Variants in RSU1 observed in about 807,000 individuals in gnomAD.
The protein encoded by RSU1 is rsu-1.
A neutral mutation model predicts 31.1 loss-of-function variants in RSU1; 26 were observed. The observed-to-expected ratio is 0.84, with a 90% CI of 0.61 to 1.16. The LOEUF (loss-of-function observed/expected upper bound fraction) is 1.16, where lower values mean the gene tolerates loss of function less well. RSU1 is among the 50% of genes most tolerant of loss of function. The pLI, the probability that RSU1 is intolerant of heterozygous loss-of-function variation, is 0.00. For synonymous variants in RSU1, 164 were observed against 136.3 expected (o/e 1.20, Z -1.41); for missense variants, 320 against 339.1 (o/e 0.94, Z 0.44).
intron 2 of RSU1, among the ~76,000 whole-genome samples, chr10:16,793,116 A>C (rs1048292979): frequency 6.6e-6 from 1 of 152,240 alleles, no homozygotes; most frequent in African/African-American, 2.4e-5. Context: ...CCAGAATCAT[A>C]AAAAGCTTTC....
At chr10:16,599,439 C>A (rs1446471167) in intron 8 of RSU1, among the ~76,000 whole-genome samples, 1 of 152,186 alleles carries the variant, frequency 6.6e-6, no homozygotes, top group African/African-American at 2.4e-5. Context: ...TGGTACCTGT[C>A]TGGCCCTACA....
intron 8 of RSU1, among the ~76,000 whole-genome samples, chr10:16,636,644 G>A (rs1207383174): frequency 3.9e-5 from 6 of 152,156 alleles, no homozygotes. Context: ...TGTGAACAAA[G>A]GCCAAACTCC....
At chr10:16,738,729 C>T (rs1241706856) in intron 7 of RSU1, among the ~76,000 whole-genome samples, 3 of 152,044 alleles carry the variant, frequency 2.0e-5, no homozygotes, top group Non-Finnish European at 4.4e-5. Flanking sequence ...TCCAGGATAC[C>T]TATGCAGAAC....
rs998982758 is a variant in RSU1, at chr10:16,642,774, G to A, written c.732-49278C>T. 4.6e-5 allele frequency among the ~76,000 whole-genome samples: 7 copies of A among 152,078 alleles called. No individual in the cohort carries two copies. In the East Asian group the frequency reaches 9.7e-4, roughly 21 times the overall value. On this transcript the variant is annotated intron_variant, in intron 8 of 8. Transcript: ENST00000345264. ...ATCAAACAAAATCCTTGTAAATTCC[G>A]TTTTGAATTTATGCATACTTCTTCG...
chr10:16,731,353 C>T (rs969772929), intron 7 of RSU1, among the ~76,000 whole-genome samples: 1 of 151,380 alleles, frequency 6.6e-6, no homozygotes. Flanking sequence ...TGGCGTGAAC[C>T]CAGGAGGCGG....
intron 8 of RSU1, among the ~76,000 whole-genome samples, chr10:16,668,015 A>G (rs1031231945): frequency 3.9e-5 from 6 of 152,238 alleles, no homozygotes; most frequent in African/African-American, 1.4e-4. Flanking sequence ...TATTCTGATA[A>G]TAGAATAACT....
intron 7 of RSU1, among the ~76,000 whole-genome samples, chr10:16,746,665 CTT>C (rs535857942): frequency 0.1 from 10,662 of 101,844 alleles, 483 homozygotes; most frequent in Admixed American, 0.13. Context: ...TCCCAAATCA[CTT>C]TTTTTTTTTT....
At chr10:16,799,587 T>C (rs1838107885) in intron 2 of RSU1, among the ~76,000 whole-genome samples, 1 of 152,030 alleles carries the variant, frequency 6.6e-6, no homozygotes, top group African/African-American at 2.4e-5. Context: ...TGCTGAGTTT[T>C]ACCTCTAAGA....
At chr10:16,671,884 C>G (rs1564310491) in intron 8 of RSU1, among the ~76,000 whole-genome samples, 2 of 151,750 alleles carry the variant, frequency 1.3e-5, no homozygotes, top group Non-Finnish European at 2.9e-5. Context: ...CCTCGGCCTC[C>G]CAAAGTGCTG....
chr10:16,805,466 T>C (rs1838246458), intron 2 of RSU1, among the ~76,000 whole-genome samples: 1 of 151,482 alleles, frequency 6.6e-6, no homozygotes, highest in South Asian at 2.1e-4. Context: ...CGTGAGGAGA[T>C]CGAGACCATC....
chr10:16,769,745 C>T (rs61843961), intron 3 of RSU1, among the ~76,000 whole-genome samples: 9,193 of 152,260 alleles, frequency 0.06, 370 homozygotes, highest in East Asian at 0.18. Flanking sequence ...ATGTCCCTTA[C>T]CCCATGCGAT....
intron 8 of RSU1, among the ~76,000 whole-genome samples, chr10:16,667,707 C>T (rs994924499): frequency 3.3e-5 from 5 of 152,058 alleles, no homozygotes; most frequent in East Asian, 3.9e-4. Flanking sequence ...AGGCTGGTCT[C>T]GAACTCCTGA....
At chr10:16,683,853 T>C (rs535972324) in intron 8 of RSU1, among the ~76,000 whole-genome samples, 1 of 152,350 alleles carries the variant, frequency 6.6e-6, no homozygotes, top group South Asian at 2.1e-4. Flanking sequence ...TTCAATTCAA[T>C]TGTTCAACTT....
intron 8 of RSU1, among the ~76,000 whole-genome samples, chr10:16,644,438 CTGTG>C (rs1489969852): frequency 6.6e-6 from 1 of 152,156 alleles, no homozygotes; most frequent in Admixed American, 6.5e-5. Flanking sequence ...AGATACCTGG[CTGTG>C]TGTGTTTTTC....
chr10:16,713,084 G>A (rs1216587417), intron 7 of RSU1, among the ~76,000 whole-genome samples: 1 of 152,130 alleles, frequency 6.6e-6, no homozygotes, highest in Non-Finnish European at 1.5e-5. Context: ...TCTACTAGTA[G>A]TCTAATGGAC....
At chr10:16,626,013 C>A (rs974555154) in intron 8 of RSU1, among the ~76,000 whole-genome samples, 1 of 151,872 alleles carries the variant, frequency 6.6e-6, no homozygotes, top group Admixed American at 6.6e-5. Flanking sequence ...ATGGGATGGG[C>A]GCTCAGTGCA....
At chr10:16,688,442 T>TA (rs60949705) in intron 8 of RSU1, among the ~76,000 whole-genome samples, 1,972 of 151,594 alleles carry the variant, frequency 0.013, 23 homozygotes, top group Admixed American at 0.032. Context: ...CTGTCTCTAC[T>TA]AAAAAAAATA....
intron 8 of RSU1, among the ~76,000 whole-genome samples, chr10:16,615,208 GAA>G (rs911725545): frequency 7.0e-6 from 1 of 143,428 alleles, no homozygotes. Flanking sequence ...CAAATGGAGA[GAA>G]AAAAAAAAGC....
intron 8 of RSU1, among the ~76,000 whole-genome samples, chr10:16,654,565 G>A (rs1234305507): frequency 6.6e-6 from 1 of 151,452 alleles, no homozygotes; most frequent in Admixed American, 6.6e-5. Flanking sequence ...AACTACTTGG[G>A]AGGCTGAGGC....
Sources: gnomAD v4.1 joint callset for allele counts (sites outside exome capture counted in the v4.1 genomes callset) on GRCh38, gnomAD v4.1.1 for gene constraint, MANE v1.5 for transcripts, NCBI Gene and HGNC (gene_info 2026-07-23, HGNC 2026-07-21) for gene names.